NPAS3: variants seen among roughly 807,000 people sequenced by gnomAD.
NPAS3 encodes the protein neuronal PAS domain protein 3.
Under a neutral mutation model 73.1 loss-of-function variants are expected in NPAS3, and 14 were observed. That is an observed-to-expected ratio of 0.19 (90% CI 0.13 to 0.30). NPAS3 has a LOEUF of 0.30. Ranked by LOEUF, NPAS3 falls within the 10% of genes least tolerant of loss-of-function variation. The pLI is 1.00. For missense variants in NPAS3, 1,096 were observed against 1,250.0 expected, an observed-to-expected ratio of 0.88 and a Z score of 1.86; for synonymous variants, 620 against 541.5, an observed-to-expected ratio of 1.14 and a Z score of -2.01.
At chr14:32,971,831 C>G (rs2037437933) in intron 1 of NPAS3, among the ~76,000 whole-genome samples, 1 of 151,932 alleles carries the variant, frequency 6.6e-6, no homozygotes, top group Non-Finnish European at 1.5e-5. Flanking sequence ...CCTTCTACAT[C>G]CATTTTGAAA....
At chr14:33,011,649 A>G (rs941277178) in intron 1 of NPAS3, among the ~76,000 whole-genome samples, 18 of 152,194 alleles carry the variant, frequency 1.2e-4, no homozygotes, top group African/African-American at 1.9e-4. Context: ...AGCAATTTCT[A>G]AAGCAGAGTC....
chr14:33,738,490 A>G lies in NPAS3; in HGVS notation c.852+3158A>G, dbSNP rs544161809. Among the ~76,000 whole-genome samples, 4 of 152,256 alleles carry G rather than the reference A, an allele frequency of 2.6e-5. No individual in the cohort carries two copies. The East Asian group carries it at 5.8e-4, about 22-fold the overall frequency. ...GGTGCTTGGTGATCCCAATGCCCCC[A>G]AGGAGTTACAGAGATGTACTTCTTT... On this transcript the variant is annotated intron_variant, in intron 7 of 11. Coordinates refer to ENST00000356141, the Ensembl canonical transcript of NPAS3.
rs575843198 is a variant in NPAS3 at position 33,487,371 on chromosome 14, C to T, written c.469-72750C>T. On this transcript the variant is annotated intron_variant, in intron 4 of 11. Transcript: ENST00000356141. ...ATTTGATAAGCATTTCAGGCAAACT[C>T]GCCCATATATCACATAAAATCAGAA... is the stretch of plus-strand genomic sequence containing the variant. Among the ~76,000 whole-genome samples the T allele has an allele frequency of 2.6e-4, 40 of 152,190 alleles. No homozygotes were observed. The South Asian group carries it at 6.6e-3, about 25-fold the overall frequency.
chr14:33,712,949 A>G (rs2060863048), intron 6 of NPAS3, among the ~76,000 whole-genome samples: 1 of 152,168 alleles, frequency 6.6e-6, no homozygotes, highest in Non-Finnish European at 1.5e-5. Context: ...CCCTCCTCTC[A>G]TCAACAGGAG....
intron 5 of NPAS3, among the ~76,000 whole-genome samples, chr14:33,602,220 C>T (rs1411619761): frequency 6.6e-6 from 1 of 152,178 alleles, no homozygotes; most frequent in East Asian, 1.9e-4. Flanking sequence ...GTGAAAAAAG[C>T]AGGCAAGGCT....
chr14:33,609,865 C>G (rs2057696689), intron 5 of NPAS3, among the ~76,000 whole-genome samples: 1 of 152,152 alleles, frequency 6.6e-6, no homozygotes, highest in Non-Finnish European at 1.5e-5. Flanking sequence ...GCATCATCCC[C>G]CAGATGTCCT....
chr14:33,179,410 G>C (rs1382748339), intron 2 of NPAS3, among the ~76,000 whole-genome samples: 1 of 152,098 alleles, frequency 6.6e-6, no homozygotes. Flanking sequence ...GATACTTAAG[G>C]AGTTTCTACT....
At chr14:33,567,826 T>C (rs2056036149) in intron 5 of NPAS3, among the ~76,000 whole-genome samples, 1 of 152,146 alleles carries the variant, frequency 6.6e-6, no homozygotes, top group South Asian at 2.1e-4. Context: ...CCACTATCTG[T>C]GAAAGAGAAT....
At chr14:33,771,141 G>A (rs2062638046) in intron 7 of NPAS3, among the ~76,000 whole-genome samples, 1 of 152,190 alleles carries the variant, frequency 6.6e-6, no homozygotes. Flanking sequence ...CGATCTACAT[G>A]TTTGGATACA....
At chr14:32,978,605 C>G (rs1264497017) in intron 1 of NPAS3, among the ~76,000 whole-genome samples, 2 of 152,028 alleles carry the variant, frequency 1.3e-5, no homozygotes, top group Non-Finnish European at 2.9e-5. Context: ...GGGTCTCTGT[C>G]ACTTGTGGGG....
At chr14:33,214,279 G>A (rs1461488214) in intron 2 of NPAS3, 2 of 152,166 alleles carry the variant, frequency 1.3e-5, no homozygotes, top group African/African-American at 4.8e-5. Context: ...AACTTCAGTT[G>A]TGCCAGATTC....
chr14:33,404,890 G>A (rs1366488314), intron 4 of NPAS3, among the ~76,000 whole-genome samples: 1 of 152,118 alleles, frequency 6.6e-6, no homozygotes, highest in Non-Finnish European at 1.5e-5. Context: ...GACAGGTAAT[G>A]TGGATGTGGG....
At chr14:33,360,000 C>G (rs1177626712) in intron 3 of NPAS3, among the ~76,000 whole-genome samples, 1 of 152,326 alleles carries the variant, frequency 6.6e-6, no homozygotes, top group East Asian at 1.9e-4. Flanking sequence ...CACCTTCTTA[C>G]GTCAAGAATG....
chr14:33,512,617 TG>T (rs1321326659), intron 4 of NPAS3, among the ~76,000 whole-genome samples: 1 of 152,102 alleles, frequency 6.6e-6, no homozygotes, highest in African/African-American at 2.4e-5. Flanking sequence ...CATTTTGATG[TG>T]GGGTTTGCAT....
intron 11 of NPAS3, among the ~76,000 whole-genome samples, 195 bp from the exon 12 acceptor site, chr14:33,799,539 C>T (rs1480973283): frequency 6.6e-6 from 1 of 152,182 alleles, no homozygotes; most frequent in Non-Finnish European, 1.5e-5. Context: ...TCCAGCTAAC[C>T]CAGGCCCTCA....
At chr14:33,505,350 GA>G (rs1434965019) in intron 4 of NPAS3, among the ~76,000 whole-genome samples, 3 of 151,850 alleles carry the variant, frequency 2.0e-5, no homozygotes, top group African/African-American at 7.3e-5. Context: ...CTCTCTAGGG[GA>G]AAAAAATCAA....
At chr14:33,196,837 G>C (rs1052074227) in intron 2 of NPAS3, among the ~76,000 whole-genome samples, 11 of 152,112 alleles carry the variant, frequency 7.2e-5, no homozygotes, top group African/African-American at 2.7e-4. Context: ...CTCATTTTCT[G>C]CTTGTCATCT....
At chr14:33,539,446 A>G (rs75770663) in intron 4 of NPAS3, among the ~76,000 whole-genome samples, 11,158 of 152,034 alleles carry the variant, frequency 0.073, 1,223 homozygotes, top group African/African-American at 0.24. Flanking sequence ...GACAAGTTAC[A>G]TTTAACCTCA....
chr14:33,329,223 A>G (rs919894905), intron 3 of NPAS3, among the ~76,000 whole-genome samples: 1 of 152,100 alleles, frequency 6.6e-6, no homozygotes, highest in African/African-American at 2.4e-5. Flanking sequence ...CCCTGCCCCC[A>G]GCCCCACCCC....
Sources: gnomAD v4.1 joint callset for allele counts (sites outside exome capture counted in the v4.1 genomes callset) on GRCh38, gnomAD v4.1.1 for gene constraint, MANE v1.5 for transcripts, NCBI Gene and HGNC (gene_info 2026-07-23, HGNC 2026-07-21) for gene names.